Variants in SHANK2 observed in about 807,000 individuals in gnomAD.
SHANK2 encodes the protein SH3 and multiple ankyrin repeat domains protein 2.
A neutral mutation model predicts 133.7 loss-of-function variants in SHANK2; 43 were observed. The ratio of observed to expected loss-of-function variants is 0.32; its 90% CI spans 0.25 to 0.41. The LOEUF (loss-of-function observed/expected upper bound fraction) is 0.41, where lower values mean the gene tolerates loss of function less well. SHANK2 is among the 10% of genes least tolerant of loss of function. The pLI is 1.00. For synonymous variants in SHANK2, 1,017 were observed against 952.8 expected, an observed-to-expected ratio of 1.07 and a Z score of -1.24; for missense variants, 1,994 against 2,235.8, an observed-to-expected ratio of 0.89 and a Z score of 2.18.
At chr11:70,806,330 T>C (rs1555051833) in intron 13 of SHANK2, among the ~76,000 whole-genome samples, 2 of 152,210 alleles carry the variant, frequency 1.3e-5, no homozygotes, top group African/African-American at 4.8e-5. Context: ...AGCCCACACC[T>C]GCCATGTTGC....
chr11:70,814,248 T>A (rs182061450), intron 12 of SHANK2, among the ~76,000 whole-genome samples: 1 of 151,274 alleles, frequency 6.6e-6, no homozygotes, highest in East Asian at 1.9e-4. Flanking sequence ...CGCTTGAACC[T>A]GGGAGGTGGA....
chr11:70,635,766 A>G (rs1426583306), intron 17 of SHANK2, among the ~76,000 whole-genome samples: 3 of 146,536 alleles, frequency 2.0e-5, no homozygotes, highest in African/African-American at 7.3e-5. Context: ...TAAAAAAAAA[A>G]AGGGGGGAGG....
intron 15 of SHANK2, among the ~76,000 whole-genome samples, chr11:70,680,767 G>A (rs1358890057): frequency 2.6e-5 from 4 of 152,210 alleles, no homozygotes; most frequent in Non-Finnish European, 5.9e-5. Flanking sequence ...CAAGGTGGAT[G>A]AGGCTTTAAT....
chr11:70,801,971 A>C (rs75332771), intron 13 of SHANK2, among the ~76,000 whole-genome samples: 1,880 of 152,228 alleles, frequency 0.012, 13 homozygotes, highest in East Asian at 0.047. Context: ...TCCCAGCCAA[A>C]CCGAGGGGCA....
At chr11:70,662,887 G>A (rs1379117294) in intron 15 of SHANK2, among the ~76,000 whole-genome samples, 1 of 152,110 alleles carries the variant, frequency 6.6e-6, no homozygotes, top group Non-Finnish European at 1.5e-5. Flanking sequence ...TGGGTGGCCT[G>A]CGGGGGCAGA....
intron 14 of SHANK2, among the ~76,000 whole-genome samples, chr11:70,744,406 C>T (rs992994917): frequency 9.2e-5 from 14 of 152,206 alleles, no homozygotes; most frequent in East Asian, 3.9e-4. Flanking sequence ...ACCCTCTCTG[C>T]GCTCTGCAAT....
chr11:70,476,400 C>CA (rs1186811505), intron 25 of SHANK2, among the ~76,000 whole-genome samples: 1 of 152,058 alleles, frequency 6.6e-6, no homozygotes, highest in East Asian at 1.9e-4. Context: ...CTGCAACCCC[C>CA]CCTTCTCTGG....
At chr11:70,787,408 G>GACC (rs1269684815) in intron 14 of SHANK2, among the ~76,000 whole-genome samples, 1 of 119,456 alleles carries the variant, frequency 8.4e-6, no homozygotes, top group African/African-American at 3.4e-5. Context: ...TCATCACCGT[G>GACC]ACCACCACCA....
intron 11 of SHANK2, among the ~76,000 whole-genome samples, chr11:70,878,707 G>A (rs1949610127): frequency 6.6e-6 from 1 of 152,186 alleles, no homozygotes; most frequent in South Asian, 2.1e-4. Context: ...AGTTTGCCAT[G>A]AGAGGTGAAC....
intron 14 of SHANK2, among the ~76,000 whole-genome samples, chr11:70,764,292 C>T (rs1475643704): frequency 5.4e-5 from 8 of 149,330 alleles, no homozygotes; most frequent in Non-Finnish European, 1.0e-4. Context: ...CATCCATTCA[C>T]ACATCATTCC....
chr11:70,835,120 G>A (rs940665239), intron 11 of SHANK2, among the ~76,000 whole-genome samples: 4 of 152,264 alleles, frequency 2.6e-5, no homozygotes, highest in African/African-American at 2.4e-5. Context: ...CTCCCTCCAC[G>A]CAGCTCCAGC....
At chr11:70,474,229 T>C (rs2058633977) in intron 25 of SHANK2, 1 of 153,004 alleles carries the variant, frequency 6.5e-6, no homozygotes, top group Admixed American at 6.5e-5. Context: ...TTAGCCCCTT[T>C]CATGTGAGAG....
intron 10 of SHANK2, among the ~76,000 whole-genome samples, chr11:70,920,745 T>C (rs1950338211): frequency 1.3e-5 from 2 of 152,134 alleles, no homozygotes; most frequent in South Asian, 4.1e-4. Flanking sequence ...GCTGGCAGCA[T>C]TATGTGAAGA....
intron 15 of SHANK2, among the ~76,000 whole-genome samples, chr11:70,689,537 A>G (rs558185833): frequency 2.2e-4 from 34 of 152,204 alleles, no homozygotes; most frequent in Non-Finnish European, 3.5e-4. Flanking sequence ...CATTCCTACA[A>G]ACTTCTAGGG....
chr11:71,091,458 T>C (rs1951518869), intron 8 of SHANK2, among the ~76,000 whole-genome samples: 1 of 152,072 alleles, frequency 6.6e-6, no homozygotes, highest in African/African-American at 2.4e-5. Context: ...GAACACAAGG[T>C]AGCCAGAGAA....
chr11:71,228,672 C>T (rs1432730916), intron 1 of SHANK2, among the ~76,000 whole-genome samples: 4 of 152,144 alleles, frequency 2.6e-5, no homozygotes, highest in African/African-American at 9.7e-5. Context: ...GCAGGAGAAT[C>T]GTTTAAACCT....
intron 2 of SHANK2, among the ~76,000 whole-genome samples, chr11:71,215,548 G>A (rs1954393849): frequency 6.6e-6 from 1 of 152,180 alleles, no homozygotes; most frequent in South Asian, 2.1e-4. Context: ...AGGAAGGCCT[G>A]CTGAGGATGT....
chr11:71,216,661 T>C (rs1400175692), intron 2 of SHANK2, among the ~76,000 whole-genome samples: 1 of 152,126 alleles, frequency 6.6e-6, no homozygotes, highest in African/African-American at 2.4e-5. Flanking sequence ...TCCCATAAGA[T>C]TGCAATGGAG....
rs568961281 is a variant in SHANK2 at position 70,581,583 on chromosome 11, C to T, written c.2061+78245G>A. Among the ~76,000 whole-genome samples the T allele has an allele frequency of 6.2e-4, 94 of 152,246 alleles. 1 individual carries two copies. The South Asian group carries it at 0.018, about 30-fold the overall frequency. Reference sequence around the variant, plus strand: ...GCACGTGCCTGTAATCCCAGCTACTCGGGAGGCTGAGGCAGGAGAATCACT... The same window carrying T: ...GCACGTGCCTGTAATCCCAGCTACTTGGGAGGCTGAGGCAGGAGAATCACT... On this transcript the variant is annotated intron_variant, in intron 17 of 25. Transcript: ENST00000601538.
Sources: allele counts gnomAD v4.1 joint callset (sites outside exome capture counted in the v4.1 genomes callset), GRCh38; gene constraint gnomAD v4.1.1; transcripts MANE v1.5; gene names NCBI Gene and HGNC (gene_info 2026-07-23, HGNC 2026-07-21).